PPP2R2B: variants seen among roughly 807,000 people sequenced by gnomAD.
PPP2R2B encodes serine/threonine-protein phosphatase 2A 55 kDa regulatory subunit B beta isoform.
In PPP2R2B, 5 loss-of-function variants were observed where a neutral mutation model predicts 46.0. The ratio of observed to expected loss-of-function variants is 0.11; its 90% CI spans 0.06 to 0.23. The LOEUF (loss-of-function observed/expected upper bound fraction) is 0.23. Among genes scored for constraint, PPP2R2B ranks in the 10% least tolerant of loss-of-function variants. PPP2R2B has a pLI of 1.00. For missense variants in PPP2R2B, 367 were observed against 575.0 expected (o/e 0.64, Z 3.70); for synonymous variants, 215 against 206.7 (o/e 1.04, Z -0.34).
chr5:146,716,189 A>G (rs1780488233), intron 2 of PPP2R2B, among the ~76,000 whole-genome samples: 1 of 148,490 alleles, frequency 6.7e-6, no homozygotes, highest in South Asian at 2.1e-4. Context: ...AAATACACAA[A>G]TCCTTCAAGG....
At chr5:147,046,565 T>C (rs1756553198) in intron 1 of PPP2R2B, among the ~76,000 whole-genome samples, 1 of 152,146 alleles carries the variant, frequency 6.6e-6, no homozygotes, top group Non-Finnish European at 1.5e-5. Flanking sequence ...GGAATTGCCT[T>C]GGGGCACAAG....
rs1221626394 is a variant in PPP2R2B, at chr5:146,584,296, C to A, written c.*5651G>T. ...ATATCTAAATTGGGGGACAGTTAAT[C>A]AGTCATAATAAGGTCAAAGTCAGAA... On this transcript the variant is annotated 3_prime_UTR_variant, in exon 10 of 10. Coordinates refer to ENST00000394411, the MANE Select transcript of PPP2R2B (RefSeq NM_181675.4). 6.6e-6 allele frequency: 1 copy of A among 152,184 alleles called. No homozygotes were observed. The highest frequency in any genetic ancestry group is 2.4e-5 in the African/African-American group (1 of 41,436). 9.4% of individuals were successfully genotyped at this position (152,184 alleles called of 1,614,324 possible).
At chr5:147,046,114 C>T (rs1756531415) in intron 1 of PPP2R2B, among the ~76,000 whole-genome samples, 1 of 152,112 alleles carries the variant, frequency 6.6e-6, no homozygotes, top group African/African-American at 2.4e-5. Flanking sequence ...ATTTTTACTA[C>T]CTGTGAACCC....
intron 1 of PPP2R2B, among the ~76,000 whole-genome samples, chr5:147,045,733 C>T (rs574899837): frequency 6.6e-6 from 1 of 152,208 alleles, no homozygotes; most frequent in Non-Finnish European, 1.5e-5. Flanking sequence ...GTTACAGAGA[C>T]GTACAGGGTC....
chr5:146,820,588 G>A (rs1475833010), intron 2 of PPP2R2B, among the ~76,000 whole-genome samples: 5 of 152,072 alleles, frequency 3.3e-5, no homozygotes, highest in South Asian at 2.1e-4. Context: ...TATAAAAAAC[G>A]CCATGCTGTT....
chr5:146,671,765 G>A (rs1329511393), intron 5 of PPP2R2B, among the ~76,000 whole-genome samples: 1 of 152,150 alleles, frequency 6.6e-6, no homozygotes, highest in Non-Finnish European at 1.5e-5. Flanking sequence ...CCCTGCCTAT[G>A]GCTTTTCTTC....
intron 7 of PPP2R2B, among the ~76,000 whole-genome samples, chr5:146,631,437 A>T (rs369618912): frequency 6.6e-6 from 1 of 152,128 alleles, no homozygotes; most frequent in Admixed American, 6.5e-5. Context: ...TGCTGCTTTA[A>T]CATTCATAAA....
intron 5 of PPP2R2B, among the ~76,000 whole-genome samples, chr5:146,652,765 C>T (rs1427830932): frequency 6.6e-6 from 1 of 151,702 alleles, no homozygotes; most frequent in East Asian, 1.9e-4. Context: ...GCAACACCCC[C>T]CCCCAAAAAG....
chr5:146,861,454 G>A (rs1386688906), intron 2 of PPP2R2B, among the ~76,000 whole-genome samples: 1 of 152,090 alleles, frequency 6.6e-6, no homozygotes, highest in Non-Finnish European at 1.5e-5. Flanking sequence ...GCCTCCCAAA[G>A]TTCTGGGATT....
chr5:146,636,724 A>G (rs957985494), intron 7 of PPP2R2B, among the ~76,000 whole-genome samples: 2 of 152,264 alleles, frequency 1.3e-5, no homozygotes, highest in African/African-American at 4.8e-5. Context: ...ACATGACAGC[A>G]TAAACTTTGG....
intron 7 of PPP2R2B, among the ~76,000 whole-genome samples, chr5:146,606,089 C>A (rs955887290): frequency 2.6e-5 from 4 of 152,146 alleles, no homozygotes; most frequent in Non-Finnish European, 5.9e-5. Context: ...AAGAAGACTG[C>A]CAACTTTAGA....
At chr5:146,823,699 C>T (rs1245943167) in intron 2 of PPP2R2B, among the ~76,000 whole-genome samples, 1 of 152,024 alleles carries the variant, frequency 6.6e-6, no homozygotes, top group Non-Finnish European at 1.5e-5. Context: ...ATATGTTGTT[C>T]TTCTCAAGCA....
intron 1 of PPP2R2B, among the ~76,000 whole-genome samples, chr5:146,923,388 G>A (rs574430365): frequency 2.3e-3 from 344 of 152,286 alleles, no homozygotes; most frequent in African/African-American, 8.0e-3. Flanking sequence ...CTTCCAGAGC[G>A]CTCTCAAGTG....
chr5:147,041,968 A>T (rs1376017131), intron 1 of PPP2R2B, among the ~76,000 whole-genome samples: 1 of 152,052 alleles, frequency 6.6e-6, no homozygotes, highest in Non-Finnish European at 1.5e-5. Flanking sequence ...TTTCACTGGC[A>T]GCCCCTTCCT....
intron 2 of PPP2R2B, among the ~76,000 whole-genome samples, chr5:146,872,972 G>A (rs1247699948): frequency 1.3e-5 from 2 of 152,146 alleles, no homozygotes; most frequent in Non-Finnish European, 2.9e-5. Flanking sequence ...TGCTGGTGAT[G>A]TTTAATCTCA....
intron 1 of PPP2R2B, among the ~76,000 whole-genome samples, chr5:146,910,936 C>T (rs7719456): frequency 0.026 from 3,897 of 152,162 alleles, 148 homozygotes; most frequent in African/African-American, 0.07. Context: ...GTTCCATATT[C>T]GTCTACCTGT....
intron 2 of PPP2R2B, among the ~76,000 whole-genome samples, chr5:146,713,150 A>T (rs1023315184): frequency 4.6e-5 from 7 of 152,196 alleles, no homozygotes; most frequent in African/African-American, 9.6e-5. Flanking sequence ...GACAGACTTC[A>T]TGGGGGAGAC....
At chr5:147,052,578 C>A (rs1407660839) in intron 1 of PPP2R2B, among the ~76,000 whole-genome samples, 1 of 152,092 alleles carries the variant, frequency 6.6e-6, no homozygotes, top group Non-Finnish European at 1.5e-5. Context: ...ATTAACAAGG[C>A]AATGGGGCAG....
chr5:146,917,194 G>T (rs1456275315), intron 1 of PPP2R2B, among the ~76,000 whole-genome samples: 1 of 151,962 alleles, frequency 6.6e-6, no homozygotes, highest in Non-Finnish European at 1.5e-5. Flanking sequence ...CATCATAGTT[G>T]CTCCTGTAAT....
Sources: gnomAD v4.1 joint callset for allele counts (sites outside exome capture counted in the v4.1 genomes callset) on GRCh38, gnomAD v4.1.1 for gene constraint, MANE v1.5 for transcripts, NCBI Gene and HGNC (gene_info 2026-07-23, HGNC 2026-07-21) for gene names.